The following GNA14 variants were observed in gnomAD, a reference collection of about 807,000 sequenced individuals.
GNA14 encodes G protein subunit alpha 14, also known as guanine nucleotide-binding protein subunit alpha-14.
Under a neutral mutation model 42.0 loss-of-function variants are expected in GNA14, and 50 were observed. The ratio of observed to expected loss-of-function variants is 1.19; its 90% confidence interval spans 0.95 to 1.51. The LOEUF is 1.51. GNA14 is among the 40% of genes most tolerant of loss of function. The probability of loss-of-function intolerance (pLI) is 0.00; values close to 1 mark genes in which losing one functional copy is unlikely to be tolerated. For synonymous variants in GNA14, 173 were observed against 163.1 expected, an observed-to-expected ratio of 1.06 and a Z score of -0.46; for missense variants, 473 against 446.2, an observed-to-expected ratio of 1.06 and a Z score of -0.54.
chr9:77,548,007 C>A (rs763497983), intron 1 of GNA14, among the ~76,000 whole-genome samples: 10 of 152,190 alleles, frequency 6.6e-5, no homozygotes, highest in Non-Finnish European at 1.0e-4. Flanking sequence ...AGATGGGAAT[C>A]ATAATCTTTG....
At chr9:77,518,158 T>A (rs1837291527) in intron 2 of GNA14, 1 of 151,964 alleles carries the variant, frequency 6.6e-6, no homozygotes, top group South Asian at 2.1e-4. Flanking sequence ...TAGCCCTCAA[T>A]GGAGGAAGGG....
At chr9:77,643,196 T>A (rs2118039713) in intron 1 of GNA14, among the ~76,000 whole-genome samples, 1 of 152,274 alleles carries the variant, frequency 6.6e-6, no homozygotes, top group Admixed American at 6.5e-5. Context: ...TGGGCATATT[T>A]ACCATTTCAT....
At chr9:77,542,221 T>C in intron 1 of GNA14, among the ~76,000 whole-genome samples, 1 of 152,144 alleles carries the variant, frequency 6.6e-6, no homozygotes. Context: ...TACTTTTTTG[T>C]GACGAGATAT....
intron 2 of GNA14, among the ~76,000 whole-genome samples, chr9:77,461,625 A>C (rs1001597991): frequency 6.6e-6 from 1 of 152,186 alleles, no homozygotes; most frequent in African/African-American, 2.4e-5. Context: ...CATAAGGATC[A>C]ATTAGGAAGT....
rs118078185 is a variant in GNA14, at chr9:77,634,985, T to C, written c.124+12685A>G. On this transcript the variant is annotated intron_variant, in intron 1 of 6. Coordinates refer to ENST00000341700, the MANE Select transcript of GNA14 (RefSeq NM_004297.4). ...ACATTGGAGCATATAATATCATACA[T>C]TGGAGTTCCCACACACGTTTGGTCA... is the stretch of plus-strand genomic sequence containing the variant. 5.4e-3 allele frequency among the ~76,000 whole-genome samples: 818 copies of C among 152,144 alleles called. 3 individuals are homozygous for C. Among genetic ancestry groups the C allele is most frequent in the African/African-American group, 0.012 (497 of 41,420 alleles).
At chr9:77,475,232 C>T (rs146026101) in intron 2 of GNA14, among the ~76,000 whole-genome samples, 165 of 152,186 alleles carry the variant, frequency 1.1e-3, no homozygotes, top group Middle Eastern at 0.01. Flanking sequence ...TTGATATAAA[C>T]CCTCTTCTCC....
At chr9:77,438,814 C>T (rs535554302) in intron 2 of GNA14, among the ~76,000 whole-genome samples, 4 of 152,300 alleles carry the variant, frequency 2.6e-5, no homozygotes, top group South Asian at 2.1e-4. Flanking sequence ...GTTGCAGGCA[C>T]GATGCCACCT....
intron 1 of GNA14, among the ~76,000 whole-genome samples, chr9:77,532,940 G>C (rs537467871): frequency 2.0e-5 from 3 of 152,118 alleles, no homozygotes; most frequent in African/African-American, 7.2e-5. Context: ...TGGTTCCAAA[G>C]GGATTCACTT....
intron 1 of GNA14, among the ~76,000 whole-genome samples, chr9:77,571,040 T>C (rs368599698): frequency 1.3e-5 from 2 of 152,042 alleles, no homozygotes; most frequent in Non-Finnish European, 2.9e-5. Context: ...TATTATTTTA[T>C]AGATGAGAAA....
chr9:77,639,316 C>T (rs1243370116), intron 1 of GNA14, among the ~76,000 whole-genome samples: 2 of 152,198 alleles, frequency 1.3e-5, no homozygotes, highest in Non-Finnish European at 2.9e-5. Flanking sequence ...ATTCTAAACG[C>T]TCTAAAAATG....
intron 3 of GNA14, 94 bp from the exon 4 acceptor site, chr9:77,431,543 C>G: frequency 3.6e-6 from 4 of 1,110,684 alleles, no homozygotes; most frequent in Non-Finnish European, 5.2e-6. Context: ...TCACAGTGAG[C>G]CCCACACAGA....
chr9:77,426,305 T>TA (rs1399502199), intron 5 of GNA14, among the ~76,000 whole-genome samples: 1 of 147,030 alleles, frequency 6.8e-6, no homozygotes, highest in African/African-American at 2.5e-5. Context: ...GTTCAGAACT[T>TA]TTTTTTTTTT....
At chr9:77,647,159 T>C (rs1824368910) in intron 1 of GNA14, among the ~76,000 whole-genome samples, 3 of 152,224 alleles carry the variant, frequency 2.0e-5, no homozygotes, top group South Asian at 2.1e-4. Flanking sequence ...CAGGCCTCCA[T>C]GTTTTAATTC....
At chr9:77,536,330 T>C (rs931703855) in intron 1 of GNA14, among the ~76,000 whole-genome samples, 4 of 151,856 alleles carry the variant, frequency 2.6e-5, no homozygotes, top group Non-Finnish European at 4.4e-5. Flanking sequence ...AAATATGTTG[T>C]ATTATTTTTG....
intron 1 of GNA14, among the ~76,000 whole-genome samples, chr9:77,638,780 A>G (rs1205968510): frequency 6.6e-6 from 1 of 152,208 alleles, no homozygotes; most frequent in African/African-American, 2.4e-5. Context: ...TCAAGAGGAC[A>G]CTGCAATAAC....
chr9:77,629,074 G>C (rs1234186723), intron 1 of GNA14, among the ~76,000 whole-genome samples: 1 of 152,072 alleles, frequency 6.6e-6, no homozygotes, highest in East Asian at 1.9e-4. Context: ...GTGGCCACAG[G>C]ATATGAACAG....
chr9:77,439,012 C>T (rs1835684680), intron 2 of GNA14, among the ~76,000 whole-genome samples: 1 of 152,184 alleles, frequency 6.6e-6, no homozygotes, highest in African/African-American at 2.4e-5. Flanking sequence ...TGGTCTGGAG[C>T]CCAATGTAGG....
intron 1 of GNA14, among the ~76,000 whole-genome samples, chr9:77,629,957 T>C (rs1317143755): frequency 3.3e-5 from 5 of 152,188 alleles, no homozygotes. Context: ...TGTCCTTATT[T>C]ATGGTATTTA....
intron 1 of GNA14, among the ~76,000 whole-genome samples, chr9:77,533,954 A>G (rs1271136022): frequency 6.6e-6 from 1 of 152,180 alleles, no homozygotes; most frequent in Non-Finnish European, 1.5e-5. Context: ...CCACTCAACT[A>G]GCATTTCCCA....
Sources: allele counts gnomAD v4.1 joint callset (sites outside exome capture counted in the v4.1 genomes callset), GRCh38; gene constraint gnomAD v4.1.1; transcripts MANE v1.5; gene names NCBI Gene and HGNC (gene_info 2026-07-23, HGNC 2026-07-21).